MYO9B: variants seen among roughly 807,000 people sequenced by gnomAD.
MYO9B encodes myosin IXB.
A neutral mutation model predicts 229.5 loss-of-function variants in MYO9B; 71 were observed. The ratio of observed to expected loss-of-function variants is 0.31; its 90% confidence interval spans 0.26 to 0.38. The LOEUF (loss-of-function observed/expected upper bound fraction) is 0.38, where lower values mean the gene tolerates loss of function less well. MYO9B is among the 10% of genes least tolerant of loss of function. The pLI is 1.00. For missense variants in MYO9B, 2,255 were observed against 2,920.5 expected, an observed-to-expected ratio of 0.77 and a Z score of 5.25; for synonymous variants, 1,185 against 1,235.8, an observed-to-expected ratio of 0.96 and a Z score of 0.86.
chr19:17,112,885 G>A (rs115908575), intron 2 of MYO9B, among the ~76,000 whole-genome samples: 3,128 of 152,344 alleles, frequency 0.021, 49 homozygotes, highest in East Asian at 0.052. Context: ...TTTGTCAGGA[G>A]AGGTAAGTGT....
At chr19:17,110,306 C>T (rs1203776686) in intron 2 of MYO9B, among the ~76,000 whole-genome samples, 1 of 152,242 alleles carries the variant, frequency 6.6e-6, no homozygotes, top group Non-Finnish European at 1.5e-5. Context: ...TTGCCATCAC[C>T]TTTCACCAAG....
chr19:17,109,679 T>G (rs992534504), intron 2 of MYO9B, among the ~76,000 whole-genome samples: 1 of 152,308 alleles, frequency 6.6e-6, no homozygotes, highest in Admixed American at 6.5e-5. Flanking sequence ...CAGGCCTCTC[T>G]CCCGGGTTCT....
chr19:17,096,347 T>C lies in MYO9B; in HGVS notation c.-58-5313T>C, dbSNP rs1325444655. Among the ~76,000 whole-genome samples the C allele has an allele frequency of 2.0e-5, 3 of 152,060 alleles. No individual in the cohort carries two copies. In the East Asian group the frequency reaches 5.8e-4, roughly 29 times the overall value. On this transcript the variant is annotated intron_variant, in intron 1 of 39. Coordinates refer to ENST00000682292, the MANE Select transcript of MYO9B (RefSeq NM_004145.4). The stretch of plus-strand genomic sequence containing the variant: ...ACGTGCTAGGTATGTGTTTTAACAT[T>C]GAAAGAAACTGCTGAAGTGTTTTCT...
chr19:17,077,102 C>CA (rs2057492403), intron 1 of MYO9B, among the ~76,000 whole-genome samples: 1 of 152,116 alleles, frequency 6.6e-6, no homozygotes, highest in South Asian at 2.1e-4. Flanking sequence ...TTAAGGTGTC[C>CA]AGGAGCAGCC....
At chr19:17,115,276 A>G (rs1435481074) in intron 2 of MYO9B, among the ~76,000 whole-genome samples, 1 of 152,130 alleles carries the variant, frequency 6.6e-6, no homozygotes, top group Non-Finnish European at 1.5e-5. Flanking sequence ...GCATTTACAT[A>G]TCATCCCTGG....
At chr19:17,085,809 G>GGGAT (rs1459030162) in intron 1 of MYO9B, among the ~76,000 whole-genome samples, 6 of 152,128 alleles carry the variant, frequency 3.9e-5, no homozygotes, top group African/African-American at 1.4e-4. Context: ...TCTTACCCTG[G>GGGAT]GGATGGCTTT....
At chr19:17,188,966 G>T (rs2072950009) in intron 19 of MYO9B, among the ~76,000 whole-genome samples, 1 of 149,096 alleles carries the variant, frequency 6.7e-6, no homozygotes, top group Non-Finnish European at 1.5e-5. Flanking sequence ...TGACCAACAT[G>T]GTGAAACCCC....
intron 10 of MYO9B, among the ~76,000 whole-genome samples, chr19:17,167,679 A>G (rs752725776): frequency 1.2e-4 from 18 of 151,994 alleles, no homozygotes; most frequent in Admixed American, 3.3e-4. Flanking sequence ...GGATTTTGCT[A>G]TGTTGGTCAG....
chr19:17,088,322 G>A (rs768551044), intron 1 of MYO9B, among the ~76,000 whole-genome samples: 2 of 152,242 alleles, frequency 1.3e-5, no homozygotes, highest in Non-Finnish European at 2.9e-5. Flanking sequence ...CCCTTGTCCA[G>A]TACAACCTGA....
chr19:17,135,710 C>G (rs1312926650), intron 2 of MYO9B, among the ~76,000 whole-genome samples: 1 of 152,160 alleles, frequency 6.6e-6, no homozygotes, highest in South Asian at 2.1e-4. Flanking sequence ...ACGGGGTAAT[C>G]GGGTAATCGC....
chr19:17,097,930 G>T (rs1481487778), intron 1 of MYO9B, among the ~76,000 whole-genome samples: 1 of 152,132 alleles, frequency 6.6e-6, no homozygotes, highest in Non-Finnish European at 1.5e-5. Context: ...GGAAAGGAGT[G>T]TGGGCAAGGC....
chr19:17,094,089 G>A (rs2057665985), intron 1 of MYO9B, among the ~76,000 whole-genome samples: 1 of 135,022 alleles, frequency 7.4e-6, no homozygotes, highest in Non-Finnish European at 1.6e-5. Context: ...GGGCTGGAGT[G>A]CAATGGCGCA....
At chr19:17,200,035 C>T (rs1403991273) in intron 24 of MYO9B, among the ~76,000 whole-genome samples, 1 of 151,968 alleles carries the variant, frequency 6.6e-6, no homozygotes, top group East Asian at 1.9e-4. Context: ...TCACGCCCTG[C>T]TATTTTTTTG....
At chr19:17,202,355 G>T (rs1423721956) in intron 28 of MYO9B, 52 bp downstream of exon 28, 3 of 1,482,456 alleles carry the variant, frequency 2.0e-6, no homozygotes, top group Non-Finnish European at 2.7e-6. Flanking sequence ...GCCTACCCAT[G>T]CCTCGCCATC....
intron 10 of MYO9B, 68 bp downstream of exon 10, chr19:17,163,190 C>T: frequency 5.4e-6 from 8 of 1,475,674 alleles, no homozygotes; most frequent in Non-Finnish European, 7.3e-6. Context: ...AATTTACCAT[C>T]TTAACCATTT....
In MYO9B at chr19:17,195,106, G is replaced by A. The variant is rs1020343388; in HGVS notation, c.3679G>A (p.Val1227Ile). Residue 1227 changes from valine (V) to isoleucine (I), a missense_variant, in exon 22 of 40, where the codon GTT (valine) becomes ATT (isoleucine). Physicochemically the swap from Val to Ile is conservative, Grantham distance 29. Transcript: ENST00000682292. The surrounding 1 kb of genome is among the most constrained non-coding windows in gnomAD (Gnocchi z 4.5). ...CACAGAGCAACCCCAGGCCATGGCAGTTGGCAAGGTCTCTGAAGAAACTGA... is the reference window on the plus strand; with the variant it reads ...CACAGAGCAACCCCAGGCCATGGCAATTGGCAAGGTCTCTGAAGAAACTGA... The part of the protein sequence containing the change: ...QPTEQPQAMA[V>I]GKVSEETEKT... The A allele has an allele frequency of 1.9e-6, 3 of 1,612,720 alleles. No individual in the cohort carries two copies. Among genetic ancestry groups the A allele is most frequent in the Admixed American group, 1.7e-5 (1 of 59,984 alleles).
At chr19:17,200,453 G>C in intron 25 of MYO9B, 27 bp downstream of exon 25, 2 of 1,552,394 alleles carry the variant, frequency 1.3e-6, no homozygotes, top group East Asian at 4.8e-5. Context: ...CTCAGGGACA[G>C]ACAGTAGAGC....
chr19:17,132,947 G>A (rs914541800), intron 2 of MYO9B, among the ~76,000 whole-genome samples: 1 of 151,174 alleles, frequency 6.6e-6, no homozygotes, highest in South Asian at 2.1e-4. Flanking sequence ...TCCCAGGTTC[G>A]TGCCATTCCC....
chr19:17,207,243 A>G lies in MYO9B; in HGVS notation c.5623A>G (p.Thr1875Ala). Residue 1875 changes from threonine (T) to alanine (A), a missense_variant and splice_region_variant, in exon 35 of 40, where the codon ACG becomes GCG. Transcript: ENST00000682292. The part of the protein sequence containing the change: ...TSMKDVLKIT[T>A]CVEMLIKEQM... Reference sequence around the variant, plus strand: ...CATGAAGGACGTCCTCAAGATCACCACGTGAGTGCCCACCCTGCCCCGGAG... The same window carrying G: ...CATGAAGGACGTCCTCAAGATCACCGCGTGAGTGCCCACCCTGCCCCGGAG... 1 of 1,594,104 alleles carries G rather than the reference A, an allele frequency of 6.3e-7. No individual in the cohort carries two copies.
Sources: gnomAD v4.1 joint callset for allele counts (sites outside exome capture counted in the v4.1 genomes callset) on GRCh38, gnomAD v4.1.1 for gene constraint, Gnocchi (gnomAD v3.1) non-coding constraint, MANE v1.5 for transcripts, NCBI Gene and HGNC (gene_info 2026-07-23, HGNC 2026-07-21) for gene names.